The following SMYD3 variants were observed in gnomAD, a reference collection of about 807,000 sequenced individuals.
SMYD3 encodes histone-lysine N-methyltransferase SMYD3.
In SMYD3, 36 loss-of-function variants were observed where a neutral mutation model predicts 57.7. The observed-to-expected ratio is 0.62, with a 90% CI of 0.48 to 0.82. The LOEUF (loss-of-function observed/expected upper bound fraction) is 0.82. Among genes scored for constraint, SMYD3 ranks in the 40% least tolerant of loss-of-function variants. The pLI is 0.00. For synonymous variants in SMYD3, 211 were observed against 195.0 expected (o/e 1.08, Z -0.68); for missense variants, 515 against 538.8 (o/e 0.96, Z 0.44).
At chr1:245,950,547 T>A (rs772439315) in intron 5 of SMYD3, among the ~76,000 whole-genome samples, 14 of 152,222 alleles carry the variant, frequency 9.2e-5, no homozygotes, top group Admixed American at 3.3e-4. Flanking sequence ...CGCTCTGGCC[T>A]TCTTGACTCT....
intron 1 of SMYD3, among the ~76,000 whole-genome samples, chr1:246,383,381 A>C (rs1325469940): frequency 1.3e-5 from 2 of 152,184 alleles, no homozygotes; most frequent in Non-Finnish European, 2.9e-5. Context: ...TGAAACACAA[A>C]GCCTGACTTC....
chr1:246,071,378 T>C (rs2060439845), intron 5 of SMYD3, among the ~76,000 whole-genome samples: 1 of 152,160 alleles, frequency 6.6e-6, no homozygotes, highest in South Asian at 2.1e-4. Context: ...AAGGGGAATT[T>C]TGCCTTTGTT....
chr1:246,319,064 AG>A (rs1198751111), intron 5 of SMYD3, among the ~76,000 whole-genome samples: 2 of 152,254 alleles, frequency 1.3e-5, no homozygotes, highest in Non-Finnish European at 2.9e-5. Flanking sequence ...CTTTATTTGA[AG>A]GTAGAGAAAT....
At chr1:245,918,089 A>G (rs1216344496) in intron 7 of SMYD3, among the ~76,000 whole-genome samples, 1 of 152,184 alleles carries the variant, frequency 6.6e-6, no homozygotes, top group African/African-American at 2.4e-5. Context: ...CACCATCACC[A>G]ACGGGACAGG....
At position 246,485,615 on chromosome 1, in the gene SMYD3, C is replaced by A. The variant is rs191636578; in HGVS notation, c.164+21439G>T. On this transcript the variant is annotated intron_variant, in intron 1 of 11. Coordinates refer to ENST00000490107, the MANE Select transcript of SMYD3 (RefSeq NM_001167740.2). ...TGGGCAATACAGTGAGACCCCCCCC[C>A]ACATCTCTACAAAAAAAATTTTTTT... is the stretch of plus-strand genomic sequence containing the variant. Among the ~76,000 whole-genome samples the A allele has an allele frequency of 4.3e-3, 646 of 151,726 alleles. 2 individuals are homozygous for A. Among genetic ancestry groups the A allele is most frequent in the African/African-American group, 0.015 (602 of 41,378 alleles).
intron 5 of SMYD3, among the ~76,000 whole-genome samples, chr1:246,207,068 G>A (rs1001944301): frequency 1.3e-5 from 2 of 152,060 alleles, no homozygotes; most frequent in Admixed American, 6.6e-5. Flanking sequence ...GTATAAGGCA[G>A]GTTTTAGGAC....
intron 10 of SMYD3, among the ~76,000 whole-genome samples, chr1:245,812,964 G>A (rs2048563926): frequency 6.6e-6 from 1 of 151,166 alleles, no homozygotes; most frequent in African/African-American, 2.4e-5. Flanking sequence ...GAGGAGGTGA[G>A]GAGGAGAGGA....
intron 10 of SMYD3, among the ~76,000 whole-genome samples, chr1:245,856,789 CG>C (rs2051263670): frequency 6.6e-6 from 1 of 152,238 alleles, no homozygotes; most frequent in Non-Finnish European, 1.5e-5. Flanking sequence ...ATCAGTGCAG[CG>C]CTAGCCAAGA....
chr1:246,138,970 A>G (rs183507340), intron 5 of SMYD3, among the ~76,000 whole-genome samples: 131 of 152,212 alleles, frequency 8.6e-4, no homozygotes, highest in Admixed American at 8.0e-3. Context: ...GCAGCCACCA[A>G]ACCCCTGGCC....
At chr1:245,919,761 T>C (rs2055727129) in intron 7 of SMYD3, among the ~76,000 whole-genome samples, 1 of 152,190 alleles carries the variant, frequency 6.6e-6, no homozygotes, top group African/African-American at 2.4e-5. Context: ...AATGTATATG[T>C]GAAACTTGGC....
chr1:246,108,196 C>A (rs946704336), intron 5 of SMYD3, among the ~76,000 whole-genome samples: 1 of 152,100 alleles, frequency 6.6e-6, no homozygotes, highest in African/African-American at 2.4e-5. Flanking sequence ...CAAAATCTAC[C>A]AAGCACCTAT....
intron 8 of SMYD3, among the ~76,000 whole-genome samples, chr1:245,868,855 C>G (rs140119658): frequency 1.1e-3 from 167 of 152,252 alleles, no homozygotes; most frequent in African/African-American, 3.8e-3. Context: ...CCCCTCTCTC[C>G]ACACCAGGCT....
intron 1 of SMYD3, among the ~76,000 whole-genome samples, chr1:246,403,299 G>C (rs1160767105): frequency 1.3e-5 from 2 of 151,894 alleles, no homozygotes; most frequent in Non-Finnish European, 2.9e-5. Flanking sequence ...TTTGAGACCA[G>C]CCTGGGCAAC....
At chr1:246,293,856 A>G (rs1328560216) in intron 5 of SMYD3, among the ~76,000 whole-genome samples, 2 of 152,192 alleles carry the variant, frequency 1.3e-5, no homozygotes, top group East Asian at 1.9e-4. Context: ...TCAAGCACTC[A>G]TGACTCTAAG....
At chr1:246,297,548 C>G (rs1259069826) in intron 5 of SMYD3, among the ~76,000 whole-genome samples, 1 of 152,116 alleles carries the variant, frequency 6.6e-6, no homozygotes, top group Non-Finnish European at 1.5e-5. Context: ...CATCATAACC[C>G]TTCCTAAGTT....
intron 1 of SMYD3, among the ~76,000 whole-genome samples, chr1:246,455,173 A>G (rs1290226436): frequency 6.6e-6 from 1 of 152,204 alleles, no homozygotes; most frequent in Non-Finnish European, 1.5e-5. Context: ...CTCATGTTAT[A>G]GAGAATTTCT....
At chr1:245,989,617 T>C (rs567072670) in intron 5 of SMYD3, among the ~76,000 whole-genome samples, 2 of 152,368 alleles carry the variant, frequency 1.3e-5, no homozygotes, top group South Asian at 2.1e-4. Context: ...CGAAGGCTTC[T>C]GCCTTAACCT....
At chr1:246,219,522 A>C (rs1472305447) in intron 5 of SMYD3, among the ~76,000 whole-genome samples, 2 of 152,046 alleles carry the variant, frequency 1.3e-5, no homozygotes, top group Non-Finnish European at 2.9e-5. Flanking sequence ...GTGTGACTTC[A>C]TTTCTCCCAG....
At chr1:246,055,210 G>C (rs1267884567) in intron 5 of SMYD3, among the ~76,000 whole-genome samples, 1 of 152,014 alleles carries the variant, frequency 6.6e-6, no homozygotes, top group Non-Finnish European at 1.5e-5. Context: ...ATGTTGGCAA[G>C]GATGTAGAGA....
Sources: gnomAD v4.1 joint callset for allele counts (sites outside exome capture counted in the v4.1 genomes callset) on GRCh38, gnomAD v4.1.1 for gene constraint, MANE v1.5 for transcripts, NCBI Gene and HGNC (gene_info 2026-07-23, HGNC 2026-07-21) for gene names.